Variants in ERC2 observed in about 807,000 individuals in gnomAD.
The protein encoded by ERC2 is ELKS/RAB6-interacting/CAST family member 2.
A neutral mutation model predicts 114.8 loss-of-function variants in ERC2; 42 were observed. The observed-to-expected ratio is 0.37, with a 90% CI of 0.29 to 0.47. The LOEUF (loss-of-function observed/expected upper bound fraction) is 0.47. ERC2 is among the 20% of genes least tolerant of loss of function. The probability of loss-of-function intolerance (pLI) is 0.99; values close to 1 mark genes in which losing one functional copy is unlikely to be tolerated. For synonymous variants in ERC2, 454 were observed against 425.5 expected (o/e 1.07, Z -0.82); for missense variants, 939 against 1,150.7 (o/e 0.82, Z 2.66).
At chr3:56,111,831 C>T (rs1434259897) in intron 6 of ERC2, among the ~76,000 whole-genome samples, 3 of 152,142 alleles carry the variant, frequency 2.0e-5, no homozygotes, top group African/African-American at 4.8e-5. Context: ...TTGCTTGGCT[C>T]GGCCACTGCA....
chr3:56,250,001 G>A (rs11130505), intron 3 of ERC2, among the ~76,000 whole-genome samples: 62,327 of 151,522 alleles, frequency 0.41, 13,408 homozygotes, highest in Middle Eastern at 0.48. Context: ...GGGATTACAG[G>A]CGCCCGCCAC....
intron 2 of ERC2, among the ~76,000 whole-genome samples, chr3:56,299,058 T>C (rs969817818): frequency 1.3e-5 from 2 of 151,208 alleles, no homozygotes; most frequent in Non-Finnish European, 2.9e-5. Context: ...ATTTTATATA[T>C]CTATATATAT....
chr3:56,432,781 T>C (rs1041949179), intron 2 of ERC2, among the ~76,000 whole-genome samples: 1 of 152,184 alleles, frequency 6.6e-6, no homozygotes, highest in Non-Finnish European at 1.5e-5. Context: ...GAAAATCACT[T>C]GTTCAGTCAA....
At chr3:56,010,695 A>G in intron 8 of ERC2, 106 bp from the exon 9 acceptor site, 3 of 1,273,016 alleles carry the variant, frequency 2.4e-6, no homozygotes, top group Non-Finnish European at 3.2e-6. Context: ...AATGCTGTAC[A>G]GGAATCAACA....
At chr3:55,896,461 G>A (rs2063846802) in intron 13 of ERC2, among the ~76,000 whole-genome samples, 1 of 152,202 alleles carries the variant, frequency 6.6e-6, no homozygotes, top group South Asian at 2.1e-4. Flanking sequence ...AAAAGCTTTT[G>A]ACAGTCCAGC....
chr3:56,439,269 A>C (rs1401758630), intron 1 of ERC2, among the ~76,000 whole-genome samples: 1 of 151,988 alleles, frequency 6.6e-6, no homozygotes, highest in Non-Finnish European at 1.5e-5. Flanking sequence ...ATATAGCAAG[A>C]CTCTGTCTCT....
At chr3:55,913,008 T>TG (rs969422470) in intron 13 of ERC2, among the ~76,000 whole-genome samples, 2 of 152,136 alleles carry the variant, frequency 1.3e-5, no homozygotes, top group African/African-American at 4.8e-5. Flanking sequence ...TATTTAGAGA[T>TG]GGGGTCTTGC....
intron 2 of ERC2, among the ~76,000 whole-genome samples, chr3:56,399,984 T>C (rs2060461308): frequency 6.6e-6 from 1 of 151,746 alleles, no homozygotes; most frequent in Non-Finnish European, 1.5e-5. Flanking sequence ...ACCAACACAA[T>C]GTGTGGTCCT....
chr3:55,797,043 TA>T (rs1320520058), intron 14 of ERC2, among the ~76,000 whole-genome samples: 1 of 152,080 alleles, frequency 6.6e-6, no homozygotes, highest in Non-Finnish European at 1.5e-5. Context: ...ATTGGAAAAT[TA>T]AGATGAACAA....
At chr3:56,004,446 C>T (rs1234707397) in intron 10 of ERC2, among the ~76,000 whole-genome samples, 1 of 151,970 alleles carries the variant, frequency 6.6e-6, no homozygotes, top group Non-Finnish European at 1.5e-5. Flanking sequence ...TAAGGGAGTT[C>T]CTTTTCTGCC....
At position 55,643,022 on chromosome 3, in the gene ERC2, T is replaced by A. The variant is rs548777516; in HGVS notation, c.*39+40772A>T. On this transcript the variant is annotated intron_variant, in intron 17 of 17. Coordinates refer to ENST00000288221, the MANE Select transcript of ERC2 (RefSeq NM_015576.3). ...ATATAGCACGGAAATTTACTAAATTTACTCTTGAGTATTTTAGAGGCAGTG... is the reference window on the plus strand; with the variant it reads ...ATATAGCACGGAAATTTACTAAATTAACTCTTGAGTATTTTAGAGGCAGTG... 7.9e-5 allele frequency among the ~76,000 whole-genome samples: 12 copies of A among 152,374 alleles called. No individual in the cohort carries two copies. The South Asian group carries it at 2.5e-3, about 32-fold the overall frequency.
At chr3:55,990,730 G>C (rs137908146) in intron 11 of ERC2, among the ~76,000 whole-genome samples, 1 of 152,128 alleles carries the variant, frequency 6.6e-6, no homozygotes, top group Non-Finnish European at 1.5e-5. Flanking sequence ...TAATTTATTT[G>C]TTTTAGCATT....
At chr3:56,459,686 C>T (rs2063224168) in intron 1 of ERC2, among the ~76,000 whole-genome samples, 1 of 152,196 alleles carries the variant, frequency 6.6e-6, no homozygotes, top group Non-Finnish European at 1.5e-5. Context: ...CTCACAGATG[C>T]CCTTCCAACT....
chr3:55,620,947 G>A (rs541406395), intron 17 of ERC2, among the ~76,000 whole-genome samples: 3 of 152,202 alleles, frequency 2.0e-5, no homozygotes, highest in South Asian at 2.1e-4. Context: ...TTACTAGCTC[G>A]GAACAACTAC....
At chr3:56,441,081 G>C (rs1406814141) in intron 1 of ERC2, among the ~76,000 whole-genome samples, 1 of 152,210 alleles carries the variant, frequency 6.6e-6, no homozygotes, top group Non-Finnish European at 1.5e-5. Context: ...ACCCTAAAGA[G>C]GCTTGACAGT....
chr3:55,669,283 A>G (rs2061468038), intron 17 of ERC2, among the ~76,000 whole-genome samples: 1 of 152,224 alleles, frequency 6.6e-6, no homozygotes, highest in South Asian at 2.1e-4. Context: ...GCAGCCATGA[A>G]ACATGAAACA....
intron 15 of ERC2, among the ~76,000 whole-genome samples, chr3:55,723,201 AACTT>A (rs2064690320): frequency 6.6e-6 from 1 of 152,224 alleles, no homozygotes. Context: ...AGGCTAAACA[AACTT>A]TATTATGTAG....
At chr3:55,878,826 ATCC>A (rs2062982617) in intron 14 of ERC2, among the ~76,000 whole-genome samples, 1 of 152,210 alleles carries the variant, frequency 6.6e-6, no homozygotes, top group Non-Finnish European at 1.5e-5. Context: ...AGACATTTTA[ATCC>A]AAGATAGTAC....
intron 4 of ERC2, among the ~76,000 whole-genome samples, chr3:56,168,019 A>T (rs1177607525): frequency 6.6e-6 from 1 of 152,178 alleles, no homozygotes; most frequent in Non-Finnish European, 1.5e-5. Flanking sequence ...TTTCCAAAGT[A>T]AATGTTGAAA....
Sources: allele counts gnomAD v4.1 joint callset (sites outside exome capture counted in the v4.1 genomes callset), GRCh38; gene constraint gnomAD v4.1.1; transcripts MANE v1.5; gene names NCBI Gene and HGNC (gene_info 2026-07-23, HGNC 2026-07-21).